EYA1: variants seen among roughly 807,000 people sequenced by gnomAD.
The protein encoded by EYA1 is protein phosphatase EYA1.
A neutral mutation model predicts 82.0 loss-of-function variants in EYA1; 16 were observed. The observed-to-expected ratio is 0.20, with a 90% confidence interval of 0.13 to 0.30. The LOEUF (loss-of-function observed/expected upper bound fraction) is 0.30. EYA1 is among the 10% of genes least tolerant of loss of function. The pLI, the probability that EYA1 is intolerant of heterozygous loss-of-function variation, is 1.00. For synonymous variants in EYA1, 261 were observed against 264.4 expected (o/e 0.99, Z 0.12); for missense variants, 633 against 730.7 (o/e 0.87, Z 1.54).
chr8:71,517,964 T>A (rs1813102518), intron 2 of EYA1, among the ~76,000 whole-genome samples: 1 of 151,876 alleles, frequency 6.6e-6, no homozygotes, highest in Non-Finnish European at 1.5e-5. Flanking sequence ...TCATAAATTC[T>A]TCATCAGTAA....
At chr8:71,214,138 A>G (rs1471330489) in intron 16 of EYA1, among the ~76,000 whole-genome samples, 1 of 152,132 alleles carries the variant, frequency 6.6e-6, no homozygotes, top group Non-Finnish European at 1.5e-5. Flanking sequence ...TTTTTATTAT[A>G]TGGAGTCGAG....
intron 2 of EYA1, among the ~76,000 whole-genome samples, chr8:71,390,532 A>G (rs963689408): frequency 6.6e-6 from 1 of 152,144 alleles, no homozygotes; most frequent in Non-Finnish European, 1.5e-5. Flanking sequence ...CAAAGAGGTG[A>G]GTCAACATGC....
At chr8:71,470,417 A>G (rs1485098966) in intron 2 of EYA1, among the ~76,000 whole-genome samples, 1 of 152,090 alleles carries the variant, frequency 6.6e-6, no homozygotes, top group Non-Finnish European at 1.5e-5. Context: ...TATGAATTTC[A>G]CAAGAAAAAG....
chr8:71,483,948 T>C (rs917511246), intron 2 of EYA1, among the ~76,000 whole-genome samples: 1 of 152,188 alleles, frequency 6.6e-6, no homozygotes, highest in Non-Finnish European at 1.5e-5. Flanking sequence ...GGAGAAAGTT[T>C]AGCAAAAAAA....
intron 17 of EYA1, among the ~76,000 whole-genome samples, chr8:71,207,175 GCTC>G (rs1807894349): frequency 6.6e-6 from 1 of 152,076 alleles, no homozygotes; most frequent in African/African-American, 2.4e-5. Flanking sequence ...ACTGTAGAGG[GCTC>G]CTCCTCCTAA....
intron 9 of EYA1, among the ~76,000 whole-genome samples, chr8:71,278,670 T>C (rs1817478482): frequency 6.6e-6 from 1 of 152,238 alleles, no homozygotes; most frequent in African/African-American, 2.4e-5. Context: ...CAGCCTGATA[T>C]TTCCTTAAAT....
upstream of EYA1, among the ~76,000 whole-genome samples, chr8:71,364,985 T>TAC (rs1203660091): frequency 9.0e-4 from 106 of 117,278 alleles, 7 homozygotes; most frequent in African/African-American, 2.5e-3. Flanking sequence ...TATATATATA[T>TAC]ACATATACAC....
chr8:71,511,965 A>G (rs1812628300), intron 2 of EYA1, among the ~76,000 whole-genome samples: 1 of 152,168 alleles, frequency 6.6e-6, no homozygotes, highest in Admixed American at 6.6e-5. Context: ...GCTTGGAACC[A>G]GTGCCCTCAA....
chr8:71,308,708 T>TG (rs1820999293), intron 7 of EYA1, among the ~76,000 whole-genome samples: 2 of 151,186 alleles, frequency 1.3e-5, no homozygotes, highest in African/African-American at 4.8e-5. Flanking sequence ...AAAGCTTTTT[T>TG]TTTTTTTTAA....
chr8:71,423,725 T>G (rs1831270269), intron 2 of EYA1, among the ~76,000 whole-genome samples: 1 of 152,206 alleles, frequency 6.6e-6, no homozygotes, highest in East Asian at 1.9e-4. Context: ...GAATTTACTT[T>G]GAACTTTTTC....
At chr8:71,495,163 T>C (rs1367679263) in intron 2 of EYA1, among the ~76,000 whole-genome samples, 1 of 152,210 alleles carries the variant, frequency 6.6e-6, no homozygotes, top group Admixed American at 6.5e-5. Flanking sequence ...CCATAAAATT[T>C]CCTGCTATAA....
chr8:71,257,997 TGA>T (rs1814643989), intron 11 of EYA1, among the ~76,000 whole-genome samples: 1 of 152,198 alleles, frequency 6.6e-6, no homozygotes, highest in African/African-American at 2.4e-5. Flanking sequence ...ATGGCTCTCA[TGA>T]ATAATACAGA....
At chr8:71,370,501 T>G (rs941673895) in intron 2 of EYA1, among the ~76,000 whole-genome samples, 7 of 151,682 alleles carry the variant, frequency 4.6e-5, no homozygotes, top group Admixed American at 3.9e-4. Flanking sequence ...ACTGAACACA[T>G]GCATTTATTT....
intron 2 of EYA1, among the ~76,000 whole-genome samples, chr8:71,526,013 G>A (rs976190030): frequency 1.2e-4 from 18 of 152,284 alleles, no homozygotes; most frequent in Middle Eastern, 3.4e-3. Context: ...AAGGCAAATA[G>A]CCTTTTAAGT....
At chr8:71,203,317 T>C (rs775429288) in intron 17 of EYA1, among the ~76,000 whole-genome samples, 11 of 152,248 alleles carry the variant, frequency 7.2e-5, no homozygotes, top group African/African-American at 2.6e-4. Context: ...AGATACGTAA[T>C]ACACAAAAGA....
chr8:71,450,201 C>A (rs940179559), intron 2 of EYA1, among the ~76,000 whole-genome samples: 2 of 152,216 alleles, frequency 1.3e-5, no homozygotes, highest in African/African-American at 4.8e-5. Flanking sequence ...AACAACTTGG[C>A]TAACCATTTG....
chr8:71,499,538 A>G (rs1457220850), intron 2 of EYA1, among the ~76,000 whole-genome samples: 2 of 152,154 alleles, frequency 1.3e-5, no homozygotes, highest in African/African-American at 4.8e-5. Flanking sequence ...CATGAGGCAA[A>G]TGAAAACAAG....
Position 71,414,448 on chromosome 8 carries a change from C to A in EYA1, c.34-57937G>T, listed in dbSNP as rs527553693. 5.9e-5 allele frequency among the ~76,000 whole-genome samples: 9 copies of A among 152,358 alleles called. No individual in the cohort carries two copies. The East Asian group carries it at 1.7e-3, about 29-fold the overall frequency. ...TCCGGTGTACCCAAGTCTGTACTGT[C>A]ATCTTTGACAAGGTTTACGGCCTTT... is the stretch of plus-strand genomic sequence containing the variant. On this transcript the variant is annotated intron_variant, in intron 2 of 18. Coordinates refer to the EYA1 transcript ENST00000643681.
At chr8:71,299,868 AC>A in intron 7 of EYA1, 148 bp from the exon 8 acceptor site, 1 of 635,954 alleles carries the variant, frequency 1.6e-6, no homozygotes, top group East Asian at 2.7e-5. Flanking sequence ...AGTTTTCTTA[AC>A]ATAGTTGATG....
Sources: gnomAD v4.1 joint callset for allele counts (sites outside exome capture counted in the v4.1 genomes callset) on GRCh38, gnomAD v4.1.1 for gene constraint, MANE v1.5 for transcripts, NCBI Gene and HGNC (gene_info 2026-07-23, HGNC 2026-07-21) for gene names.